CDK6: variants seen among roughly 807,000 people sequenced by gnomAD.
CDK6 encodes the protein cyclin-dependent kinase 6.
CDK6 carries 6 observed loss-of-function variants against 37.1 expected under a neutral mutation model. That is an observed-to-expected ratio of 0.16 (90% CI 0.09 to 0.32). The LOEUF (loss-of-function observed/expected upper bound fraction) is 0.32, where lower values mean the gene tolerates loss of function less well. Among genes scored for constraint, CDK6 ranks in the 10% least tolerant of loss-of-function variants. The probability of loss-of-function intolerance (pLI) is 1.00; values close to 1 mark genes in which losing one functional copy is unlikely to be tolerated. For synonymous variants in CDK6, 160 were observed against 161.3 expected, an observed-to-expected ratio of 0.99 and a Z score of 0.06; for missense variants, 224 against 418.9, an observed-to-expected ratio of 0.53 and a Z score of 4.06.
intron 3 of CDK6, among the ~76,000 whole-genome samples, chr7:92,727,949 A>G (rs1363754255): frequency 6.6e-6 from 1 of 152,228 alleles, no homozygotes; most frequent in Non-Finnish European, 1.5e-5. Flanking sequence ...AAGCATGACT[A>G]ACCTAAAGTA....
Position 92,618,124 on chromosome 7 carries a change from G to A in CDK6, c.782C>T (p.Pro261Leu), listed in dbSNP as rs2116484264. ...RQAFHSKSAQ[P>L]IEKFVTDIDE... ...GATATCTGTTACAAACTTCTCAATT[G>A]GTTGGGCAGATTTTGAATGAAAAGC... The change falls in exon 7 of 8, where the codon CCA becomes CTA. Residue 261 changes from proline (P) to leucine (L), a missense_variant. Around this residue, in one of 5 missense-constraint regions of CDK6, gnomAD observed 90 missense variants for 136.2 expected, o/e 0.66. Coordinates refer to ENST00000424848, the MANE Select transcript of CDK6 (RefSeq NM_001145306.2). The A allele has an allele frequency of 6.2e-7, 1 of 1,614,124 alleles. No individual in the cohort carries two copies. Among genetic ancestry groups the A allele is most frequent in the Non-Finnish European group, 8.5e-7 (1 of 1,179,974 alleles).
chr7:92,782,450 C>G (rs1800017030), intron 2 of CDK6, among the ~76,000 whole-genome samples: 1 of 152,166 alleles, frequency 6.6e-6, no homozygotes, highest in Non-Finnish European at 1.5e-5. Context: ...GGCATGTGAA[C>G]AACCCTGGAT....
chr7:92,645,136 C>G (rs921875130), intron 5 of CDK6, among the ~76,000 whole-genome samples: 2 of 152,172 alleles, frequency 1.3e-5, no homozygotes, highest in East Asian at 3.8e-4. Context: ...TTGGGATGAA[C>G]CTTCTGGTTA....
At chr7:92,666,331 T>C (rs1796955774) in intron 5 of CDK6, among the ~76,000 whole-genome samples, 1 of 152,228 alleles carries the variant, frequency 6.6e-6, no homozygotes, top group Non-Finnish European at 1.5e-5. Context: ...TCTACTAGGA[T>C]TTAAGTCACC....
intron 4 of CDK6, among the ~76,000 whole-genome samples, chr7:92,708,259 C>A (rs1798009875): frequency 6.6e-6 from 1 of 152,112 alleles, no homozygotes; most frequent in Admixed American, 6.6e-5. Context: ...TAAACCAAGA[C>A]CACACAAATT....
chr7:92,771,299 AAAAT>A (rs551101802), intron 3 of CDK6, among the ~76,000 whole-genome samples: 53 of 150,850 alleles, frequency 3.5e-4, no homozygotes, highest in African/African-American at 1.2e-3. Flanking sequence ...CAAAAAAAAA[AAAAT>A]AAATAAAAAT....
chr7:92,771,360 T>C (rs1799714626), intron 3 of CDK6, among the ~76,000 whole-genome samples: 2 of 150,712 alleles, frequency 1.3e-5, no homozygotes, highest in South Asian at 4.2e-4. Context: ...AATAAAAATA[T>C]CTTAGATATG....
At chr7:92,646,709 G>T (rs981551779) in intron 5 of CDK6, among the ~76,000 whole-genome samples, 10 of 152,132 alleles carry the variant, frequency 6.6e-5, no homozygotes, top group African/African-American at 1.9e-4. Flanking sequence ...GCACCTGGTA[G>T]GTTTTCAAAG....
At chr7:92,831,028 AT>A (rs1786571153) in intron 2 of CDK6, among the ~76,000 whole-genome samples, 1 of 152,246 alleles carries the variant, frequency 6.6e-6, no homozygotes, top group South Asian at 2.1e-4. Context: ...GTGCTTTCAC[AT>A]ACGCCATCTC....
intron 2 of CDK6, among the ~76,000 whole-genome samples, chr7:92,794,095 G>A (rs1445159026): frequency 6.6e-6 from 1 of 152,052 alleles, no homozygotes; most frequent in Non-Finnish European, 1.5e-5. Flanking sequence ...GTGGTCAATG[G>A]TGTATATAAG....
Position 92,738,848 on chromosome 7 carries a change from C to T in CDK6, c.370-13055G>A, listed in dbSNP as rs578133829. Among the ~76,000 whole-genome samples the T allele has an allele frequency of 9.3e-5, 14 of 150,698 alleles. No individual in the cohort carries two copies. The South Asian group carries it at 1.3e-3, about 14-fold the overall frequency. On this transcript the variant is annotated intron_variant, in intron 3 of 7. Transcript: ENST00000424848. ...TGAACTAGTTGTTTTCTTAAACGTG[C>T]GCCTCTTGCCTTCAAACTTTTCCTG...
At chr7:92,793,523 G>T (rs1404458875) in intron 2 of CDK6, among the ~76,000 whole-genome samples, 1 of 152,090 alleles carries the variant, frequency 6.6e-6, no homozygotes, top group Admixed American at 6.6e-5. Flanking sequence ...TTCAACAAAT[G>T]ATGCTGGGAT....
At position 92,661,908 on chromosome 7, in the gene CDK6, G is replaced by A. The variant is rs140599208; in HGVS notation, c.647+9518C>T. On this transcript the variant is annotated intron_variant, in intron 5 of 7. Transcript: ENST00000424848. ...AATGTTATCTATTATTTTTATGATGGGAAGGGATGAAGAAATGAGCAAGTG... is the reference window on the plus strand; with the variant it reads ...AATGTTATCTATTATTTTTATGATGAGAAGGGATGAAGAAATGAGCAAGTG... Among the ~76,000 whole-genome samples, 803 of 152,310 alleles carry A rather than the reference G, an allele frequency of 5.3e-3. 12 individuals carry two copies. The highest frequency in any genetic ancestry group is 0.017 in the African/African-American group (690 of 41,568).
At chr7:92,695,094 T>C (rs932701663) in intron 4 of CDK6, among the ~76,000 whole-genome samples, 1 of 152,074 alleles carries the variant, frequency 6.6e-6, no homozygotes, top group African/African-American at 2.4e-5. Context: ...GTTATAATGA[T>C]ACAAAGTTAT....
Position 92,813,778 on chromosome 7 carries a change from T to C in CDK6, c.233+19313A>G, listed in dbSNP as rs1467295469. The stretch of plus-strand genomic sequence containing the variant: ...GGGAGGGGAGGAACATGGGGGGAAA[T>C]GCCCCCTTAAAAACGGCTAAGCAGC... On this transcript the variant is annotated intron_variant, in intron 2 of 7. Transcript: ENST00000424848. Among the ~76,000 whole-genome samples, 3 of 152,088 alleles carry C rather than the reference T, an allele frequency of 2.0e-5. No homozygotes were observed. In the East Asian group the frequency reaches 5.8e-4, roughly 29 times the overall value.
chr7:92,689,622 T>A (rs923419392), intron 4 of CDK6, among the ~76,000 whole-genome samples: 18 of 152,214 alleles, frequency 1.2e-4, no homozygotes, highest in African/African-American at 4.1e-4. Context: ...TATAATAGAA[T>A]GATTTATATT....
intron 5 of CDK6, among the ~76,000 whole-genome samples, chr7:92,639,048 C>T (rs1324978241): frequency 6.6e-6 from 1 of 152,070 alleles, no homozygotes; most frequent in African/African-American, 2.4e-5. Flanking sequence ...TATCCTGGGA[C>T]TTATATCATC....
chr7:92,666,933 G>A (rs1424678572), intron 5 of CDK6, among the ~76,000 whole-genome samples: 4 of 152,056 alleles, frequency 2.6e-5, no homozygotes, highest in African/African-American at 4.8e-5. Context: ...GGCCCTTCAC[G>A]AGGTATCCTA....
Position 92,671,348 on chromosome 7 carries a change from C to T in CDK6, c.647+78G>A, listed in dbSNP as rs951116164. On this transcript the variant is annotated intron_variant, in intron 5 of 7. Transcript: ENST00000424848. ...ATCATGACCCCTAATGATAGAAATG[C>T]CATGCTGCCACTCAAATTCACAAAG... is the stretch of plus-strand genomic sequence containing the variant. The T allele has an allele frequency of 9.0e-6, 8 of 893,398 alleles. No homozygotes were observed. In the African/African-American group the frequency reaches 1.0e-4, roughly 12 times the overall value. 55.3% of individuals were successfully genotyped at this position (893,398 alleles called of 1,614,324 possible).
Sources: gnomAD v4.1 joint callset for allele counts (sites outside exome capture counted in the v4.1 genomes callset) on GRCh38, gnomAD v4.1.1 for gene constraint, gnomAD v4.1.1 regional missense constraint, MANE v1.5 for transcripts, NCBI Gene and HGNC (gene_info 2026-07-23, HGNC 2026-07-21) for gene names.